Variants in ANKRD46 observed in about 807,000 individuals in gnomAD.
ANKRD46 encodes the protein ankyrin repeat domain-containing protein 46.
A neutral mutation model predicts 19.8 loss-of-function variants in ANKRD46; 13 were observed. That is an observed-to-expected ratio of 0.66 (90% CI 0.43 to 1.04). The LOEUF (loss-of-function observed/expected upper bound fraction) is 1.04, where lower values mean the gene tolerates loss of function less well. Among genes scored for constraint, ANKRD46 ranks in the 50% least tolerant of loss-of-function variants. ANKRD46 has a pLI of 0.00. For missense variants in ANKRD46, 185 were observed against 274.8 expected (o/e 0.67, Z 2.31); for synonymous variants, 91 against 106.9 (o/e 0.85, Z 0.92).
In ANKRD46 at chr8:100,529,955, C is replaced by T. The variant is rs111936221; in HGVS notation, c.-27-95G>A. 2.0e-5 allele frequency: 17 copies of T among 869,194 alleles called. No individual in the cohort carries two copies. Among genetic ancestry groups the T allele is most frequent in the African/African-American group, 1.7e-4 (10 of 58,612 alleles). The allele number at this position is 869,194 out of a possible 1,614,324, so 53.8% of individuals were successfully genotyped here. A position where few individuals can be genotyped will look rare whatever the true frequency, so the allele number is the denominator to read the frequency against. On this transcript the variant is annotated intron_variant, in intron 2 of 4. Coordinates refer to ENST00000335659, the MANE Select transcript of ANKRD46 (RefSeq NM_001270377.2). This position sits in a 1 kb window ranked among gnomAD's most constrained non-coding sequence, Gnocchi z 5.8. ...AGCAATATTTCTCATCCTTTTTGGC[C>T]TCCTGCCTCTAATAAATAAATGACC...
rs1306798390 is a variant in ANKRD46 at position 100,527,967 on chromosome 8, C to T, written c.348G>A (p.Lys116=). 6.2e-7 allele frequency: 1 copy of T among 1,605,860 alleles called. No homozygotes were observed. The highest frequency in any genetic ancestry group is 8.5e-7 in the Non-Finnish European group (1 of 1,177,832). The change falls in exon 4 of 5, where the codon AAG becomes AAA. Residue 116 remains lysine, a synonymous_variant. Coordinates refer to ENST00000335659, the MANE Select transcript of ANKRD46 (RefSeq NM_001270377.2). This position sits in a 1 kb window ranked among gnomAD's most constrained non-coding sequence, Gnocchi z 4.0. ...TGACATCTTTATTTACTCCTCTGCG[C>T]TTTGCCAGAACTAAAGGGGTAGCAC... ...HQGATPLVLA[K]RRGVNKDVIR...
intron 1 of ANKRD46, among the ~76,000 whole-genome samples, chr8:100,542,929 C>A (rs1342613377): frequency 6.6e-6 from 1 of 152,116 alleles, no homozygotes; most frequent in African/African-American, 2.4e-5. Context: ...CTCTTTCTGA[C>A]TGAGCCCTGG....
downstream of ANKRD46, among the ~76,000 whole-genome samples, chr8:100,517,232 G>C (rs574758700): frequency 2.0e-5 from 3 of 152,334 alleles, no homozygotes; most frequent in South Asian, 6.2e-4. Flanking sequence ...TTCTACAACA[G>C]TGTGGTCCCA....
chr8:100,530,368 G>A (rs1191249335), intron 2 of ANKRD46, among the ~76,000 whole-genome samples: 1 of 148,400 alleles, frequency 6.7e-6, no homozygotes, highest in Non-Finnish European at 1.5e-5. Context: ...AAGACCTGTA[G>A]AGTGTTATGT....
At position 100,527,855 on chromosome 8, in the gene ANKRD46, C is replaced by G; in HGVS notation, c.460G>C (p.Glu154Gln). ...HSKLETMQTA[E>Q]SESAMESHSL... is the part of the protein sequence containing the mutation. The stretch of plus-strand genomic sequence containing the variant: ...TTGTATCTCCAGTACCTTTCACTCT[C>G]AGCTGTTTGCATGGTCTCCAGTTTC... The change falls in exon 4 of 5, where the codon GAG (glutamate) becomes CAG (glutamine). Residue 154 changes from glutamate to glutamine, a missense_variant. By Grantham distance (29) the Glu-to-Gln change is conservative. Coordinates refer to ENST00000335659, the MANE Select transcript of ANKRD46 (RefSeq NM_001270377.2). This position sits in a 1 kb window ranked among gnomAD's most constrained non-coding sequence, Gnocchi z 4.0. 6.2e-7 allele frequency: 1 copy of G among 1,613,226 alleles called. No individual in the cohort carries two copies. The highest frequency in any genetic ancestry group is 8.5e-7 in the Non-Finnish European group (1 of 1,179,740).
intron 1 of ANKRD46, among the ~76,000 whole-genome samples, chr8:100,552,712 A>T (rs1240261067): frequency 1.3e-5 from 2 of 152,240 alleles, no homozygotes; most frequent in Admixed American, 1.3e-4. Context: ...TATGGTGTAT[A>T]AATGAGATAC....
chr8:100,534,163 G>A lies in ANKRD46; in HGVS notation c.-130-852C>T, dbSNP rs556043760. On this transcript the variant is annotated intron_variant, in intron 1 of 4. Coordinates refer to ENST00000335659, the MANE Select transcript of ANKRD46 (RefSeq NM_001270377.2). The surrounding 1 kb of genome is among the most constrained non-coding windows in gnomAD (Gnocchi z 4.2). ...GTGAAATACAGGTTAACTTTTTACCGATCATCCTTGTTCATTGTTATCAAA... is the reference window on the plus strand; with the variant it reads ...GTGAAATACAGGTTAACTTTTTACCAATCATCCTTGTTCATTGTTATCAAA... 2.0e-5 allele frequency among the ~76,000 whole-genome samples: 3 copies of A among 152,166 alleles called. No individual in the cohort carries two copies. Among genetic ancestry groups the A allele is most frequent in the Admixed American group, 6.5e-5 (1 of 15,292 alleles).
intron 1 of ANKRD46, among the ~76,000 whole-genome samples, chr8:100,542,922 T>A (rs1400373938): frequency 1.3e-5 from 2 of 152,114 alleles, no homozygotes; most frequent in African/African-American, 2.4e-5. Context: ...AGCAATTCTC[T>A]TTCTGACTGA....
At chr8:100,551,968 G>C (rs1038935122) in intron 1 of ANKRD46, among the ~76,000 whole-genome samples, 3 of 152,036 alleles carry the variant, frequency 2.0e-5, no homozygotes, top group Admixed American at 6.5e-5. Flanking sequence ...TGGCCAACAT[G>C]GTGAAACCCC....
intron 2 of ANKRD46, among the ~76,000 whole-genome samples, chr8:100,531,419 T>C (rs762941222): frequency 2.6e-5 from 4 of 152,102 alleles, no homozygotes; most frequent in Non-Finnish European, 5.9e-5. Context: ...TCCTTTCAAC[T>C]TGGCTTCTCA....
rs560992876 is a variant in ANKRD46 at position 100,545,914 on chromosome 8, C to G, written c.-130-12603G>C. Among the ~76,000 whole-genome samples, 2 of 152,256 alleles carry G rather than the reference C, an allele frequency of 1.3e-5. No homozygotes were observed. The highest frequency in any genetic ancestry group is 4.8e-5 in the African/African-American group (2 of 41,548). On this transcript the variant is annotated intron_variant, in intron 1 of 4. Transcript: ENST00000335659. The surrounding 1 kb of genome is among the most constrained non-coding windows in gnomAD (Gnocchi z 4.7). ...ATTTTGCCCCTGACCTAGAGATCTGCGGAACTTTGAACTTGAGAGAGATGA... is the reference window on the plus strand; with the variant it reads ...ATTTTGCCCCTGACCTAGAGATCTGGGGAACTTTGAACTTGAGAGAGATGA...
Position 100,521,212 on chromosome 8 carries a change from T to A in ANKRD46, c.*1343A>T, listed in dbSNP as rs1811717924. ...AGAAAATACCAAGAAGCAAAAAGAA[T>A]CACAGAAATACCAATTCTATTCTAA... On this transcript the variant is annotated 3_prime_UTR_variant, in exon 5 of 5. Transcript: ENST00000335659. 1.0e-6 allele frequency: 1 copy of A among 984,822 alleles called. No homozygotes were observed. The highest frequency in any genetic ancestry group is 1.2e-6 in the Non-Finnish European group (1 of 829,852). The allele number at this position is 984,822 out of a possible 1,614,324, so 61.0% of individuals were successfully genotyped here.
At chr8:100,515,868 G>GTTTTTTTTT (rs1371274884), downstream of ANKRD46, among the ~76,000 whole-genome samples, 1 of 147,798 alleles carries the variant, frequency 6.8e-6, no homozygotes, top group African/African-American at 2.5e-5. Context: ...CCAGTAACTT[G>GTTTTTTTTT]TTTTTGTTTT....
In ANKRD46 at chr8:100,545,283, A is replaced by C. The variant is rs1382788479; in HGVS notation, c.-130-11972T>G. Among the ~76,000 whole-genome samples the C allele has an allele frequency of 6.6e-6, 1 of 152,092 alleles. No individual in the cohort carries two copies. Among genetic ancestry groups the C allele is most frequent in the Non-Finnish European group, 1.5e-5 (1 of 67,988 alleles). On this transcript the variant is annotated intron_variant, in intron 1 of 4. Transcript: ENST00000335659. This position sits in a 1 kb window ranked among gnomAD's most constrained non-coding sequence, Gnocchi z 4.7. The stretch of plus-strand genomic sequence containing the variant: ...GTGTCCTCACTCAAATCTCATTTTA[A>C]ATTGTAGTCCCCACATATCAAGGAA...
chr8:100,533,774 T>C (rs1812009826), intron 1 of ANKRD46, among the ~76,000 whole-genome samples: 1 of 152,224 alleles, frequency 6.6e-6, no homozygotes, highest in African/African-American at 2.4e-5. Context: ...CCAAACAGGA[T>C]ACATTTAAGA....
rs1014654633 is a variant in ANKRD46 at position 100,521,467 on chromosome 8, G to A, written c.*1088C>T. 5.1e-6 allele frequency: 5 copies of A among 985,242 alleles called. No homozygotes were observed. The African/African-American group carries it at 7.0e-5, about 14-fold the overall frequency. 61.0% of individuals were successfully genotyped at this position (985,242 alleles called of 1,614,324 possible). A position where few individuals can be genotyped will look rare whatever the true frequency, so the allele number is the denominator to read the frequency against. On this transcript the variant is annotated 3_prime_UTR_variant, in exon 5 of 5. Transcript: ENST00000335659. ...TGCTGAAAGCTGCAATATAGTTTGA[G>A]GGCCAGATTTCAATTTACATAATAT... is the stretch of plus-strand genomic sequence containing the variant.
chr8:100,526,530 G>A (rs558559694), intron 4 of ANKRD46, among the ~76,000 whole-genome samples: 15 of 152,290 alleles, frequency 9.8e-5, no homozygotes, highest in African/African-American at 3.6e-4. Flanking sequence ...AGAAAAACAA[G>A]GGCTTGCAAA....
At chr8:100,542,046 G>C (rs185005326) in intron 1 of ANKRD46, among the ~76,000 whole-genome samples, 12 of 152,202 alleles carry the variant, frequency 7.9e-5, no homozygotes, top group Admixed American at 3.3e-4. Flanking sequence ...TTCTCAGAAG[G>C]ATGTACTGCA....
In ANKRD46 at chr8:100,529,863, G is replaced by A. The variant is rs1482428424; in HGVS notation, c.-27-3C>T. On this transcript the variant is annotated splice_region_variant and splice_polypyrimidine_tract_variant and intron_variant, in intron 2 of 4. Transcript: ENST00000335659. The surrounding 1 kb of genome is among the most constrained non-coding windows in gnomAD (Gnocchi z 5.8). ...CTGATGTGGTGGATGGAACACGCCT[G>A]TAATGAAATAGGTGAGTGAGATTCC... 1.3e-6 allele frequency: 2 copies of A among 1,592,678 alleles called. No individual in the cohort carries two copies. Among genetic ancestry groups the A allele is most frequent in the Non-Finnish European group, 1.7e-6 (2 of 1,164,388 alleles).
Sources: allele counts gnomAD v4.1 joint callset (sites outside exome capture counted in the v4.1 genomes callset), GRCh38; gene constraint gnomAD v4.1.1; non-coding constraint Gnocchi (gnomAD v3.1); transcripts MANE v1.5; gene names NCBI Gene and HGNC (gene_info 2026-07-23, HGNC 2026-07-21).